EPHA3: variants seen among roughly 807,000 people sequenced by gnomAD.
EPHA3 encodes EPH receptor A3, also known as ephrin type-A receptor 3.
A neutral mutation model predicts 107.1 loss-of-function variants in EPHA3; 42 were observed. The ratio of observed to expected loss-of-function variants is 0.39; its 90% CI spans 0.31 to 0.51. The LOEUF (loss-of-function observed/expected upper bound fraction) is 0.51. Among genes scored for constraint, EPHA3 ranks in the 20% least tolerant of loss-of-function variants. EPHA3 has a pLI of 0.78. For missense variants in EPHA3, 1,183 were observed against 1,211.2 expected (o/e 0.98, Z 0.35); for synonymous variants, 461 against 424.8 (o/e 1.09, Z -1.05).
intron 3 of EPHA3, among the ~76,000 whole-genome samples, chr3:89,311,961 T>C (rs565123780): frequency 3.7e-4 from 56 of 152,054 alleles, no homozygotes; most frequent in Non-Finnish European, 6.2e-4. Context: ...TATGATTTTG[T>C]TGAAAAGGTG....
At chr3:89,265,188 T>C (rs549026470) in intron 3 of EPHA3, among the ~76,000 whole-genome samples, 1 of 152,296 alleles carries the variant, frequency 6.6e-6, no homozygotes, top group East Asian at 1.9e-4. Context: ...CTCTGACTTA[T>C]AATTGTAATA....
At chr3:89,474,647 T>C (rs910811059) in intron 16 of EPHA3, among the ~76,000 whole-genome samples, 1 of 152,214 alleles carries the variant, frequency 6.6e-6, no homozygotes, top group African/African-American at 2.4e-5. Flanking sequence ...TTGAAATGTA[T>C]GAGGCAGAAC....
rs944970425 is a variant in EPHA3, at chr3:89,364,321, A to G, written c.1306+22231A>G. 1.3e-5 allele frequency among the ~76,000 whole-genome samples: 2 copies of G among 151,028 alleles called. 1 individual carries two copies. The highest frequency in any genetic ancestry group is 3.0e-5 in the Non-Finnish European group (2 of 67,406). On this transcript the variant is annotated intron_variant, in intron 5 of 16. Transcript: ENST00000336596. Reference sequence around the variant, plus strand: ...TTAAAATATCATTCAGAGGCCTTTCAGAACACCAGTATTTACCTACTCCAA... The same window carrying G: ...TTAAAATATCATTCAGAGGCCTTTCGGAACACCAGTATTTACCTACTCCAA...
chr3:89,369,795 C>T (rs1708256808), intron 5 of EPHA3, among the ~76,000 whole-genome samples: 1 of 149,046 alleles, frequency 6.7e-6, no homozygotes, highest in African/African-American at 2.5e-5. Flanking sequence ...ACAATGAACT[C>T]AAACAAATTT....
chr3:89,136,852 AT>A (rs1343588692), intron 2 of EPHA3, among the ~76,000 whole-genome samples: 2 of 151,818 alleles, frequency 1.3e-5, no homozygotes, highest in East Asian at 1.9e-4. Flanking sequence ...ATCATTCTTT[AT>A]TTTTTTAAAG....
chr3:89,444,736 AAAT>A (rs1289388297), intron 13 of EPHA3, among the ~76,000 whole-genome samples: 1 of 152,120 alleles, frequency 6.6e-6, no homozygotes, highest in African/African-American at 2.4e-5. Flanking sequence ...AAAATTTTCT[AAAT>A]AATAATATAT....
At chr3:89,148,319 G>A (rs1349494087) in intron 2 of EPHA3, among the ~76,000 whole-genome samples, 1 of 152,062 alleles carries the variant, frequency 6.6e-6, no homozygotes, top group East Asian at 1.9e-4. Flanking sequence ...AAAGATAATG[G>A]AGAGTAGAGT....
At chr3:89,124,910 T>G (rs1444318897) in intron 1 of EPHA3, among the ~76,000 whole-genome samples, 1 of 151,994 alleles carries the variant, frequency 6.6e-6, no homozygotes, top group Non-Finnish European at 1.5e-5. Flanking sequence ...TGGTCTAACC[T>G]ATTTTGGTTT....
chr3:89,164,344 T>A (rs576673275), intron 2 of EPHA3, among the ~76,000 whole-genome samples: 43 of 151,802 alleles, frequency 2.8e-4, no homozygotes, highest in African/African-American at 1.0e-3. Flanking sequence ...AAAGCCATCC[T>A]GGGCCGCATG....
chr3:89,384,047 T>C (rs1431752714), intron 5 of EPHA3, among the ~76,000 whole-genome samples: 1 of 152,200 alleles, frequency 6.6e-6, no homozygotes, highest in African/African-American at 2.4e-5. Context: ...ATACTTTCAA[T>C]AGTTGTCCCT....
At chr3:89,250,799 A>C (rs1419583550) in intron 3 of EPHA3, among the ~76,000 whole-genome samples, 2 of 152,226 alleles carry the variant, frequency 1.3e-5, no homozygotes, top group African/African-American at 2.4e-5. Context: ...AAAGTATTTT[A>C]TGTCTAATAG....
chr3:89,223,692 G>T (rs1396224029), intron 3 of EPHA3, among the ~76,000 whole-genome samples: 4 of 152,116 alleles, frequency 2.6e-5, no homozygotes, highest in Non-Finnish European at 4.4e-5. Flanking sequence ...GGCGTGACTT[G>T]ACTTTATACA....
At chr3:89,471,869 G>C (rs1256579454) in intron 15 of EPHA3, among the ~76,000 whole-genome samples, 1 of 151,936 alleles carries the variant, frequency 6.6e-6, no homozygotes, top group Non-Finnish European at 1.5e-5. Flanking sequence ...TTGGTGTCAA[G>C]TATGCAAGAA....
intron 5 of EPHA3, among the ~76,000 whole-genome samples, chr3:89,371,544 T>C (rs565048537): frequency 1.9e-3 from 290 of 151,696 alleles, no homozygotes; most frequent in African/African-American, 6.8e-3. Context: ...TATAAGGAGA[T>C]TTGTAGAGTT....
chr3:89,383,200 A>T (rs1360430436), intron 5 of EPHA3, among the ~76,000 whole-genome samples: 1 of 152,206 alleles, frequency 6.6e-6, no homozygotes, highest in Admixed American at 6.5e-5. Flanking sequence ...CTAATAAAAG[A>T]TTAAGACCAG....
At chr3:89,208,486 A>AAGAAAGAAAG (rs765304080) in intron 2 of EPHA3, among the ~76,000 whole-genome samples, 2 of 125,842 alleles carry the variant, frequency 1.6e-5, no homozygotes, top group African/African-American at 3.0e-5. Flanking sequence ...AAGAAAGAGA[A>AAGAAAGAAAG]AAAGAAAGGA....
At position 89,429,083 on chromosome 3, in the gene EPHA3, TTTA is replaced by T. The variant is rs749229436; in HGVS notation, c.2075-17_2075-15del. ...AATACTTGAACTGTACTGATTATTA[TTTA>T]TTATTTACTGTATATCTAGGTAAGC... On this transcript the variant is annotated intron_variant, in intron 11 of 16. Transcript: ENST00000336596. 3.7e-5 allele frequency: 56 copies of T among 1,516,862 alleles called. No homozygotes were observed. Among genetic ancestry groups the T allele is most frequent in the Admixed American group, 3.0e-4 (18 of 59,694 alleles). 94.0% of individuals were successfully genotyped at this position (1,516,862 alleles called of 1,614,324 possible). A position where few individuals can be genotyped will look rare whatever the true frequency, so the allele number is the denominator to read the frequency against.
Position 89,479,683 on chromosome 3 carries a change from A to G in EPHA3, c.*181A>G. 1 of 533,124 alleles carries G rather than the reference A, an allele frequency of 1.9e-6. No individual in the cohort carries two copies. The allele number at this position is 533,124 out of a possible 1,614,324, so 33.0% of individuals were successfully genotyped here. ...AACTCTTTATTTTCCCCTATCATTT[A>G]TTGGATGGGTGGGTGGGGTATTTTT... On this transcript the variant is annotated 3_prime_UTR_variant, in exon 17 of 17. Transcript: ENST00000336596.
intron 3 of EPHA3, among the ~76,000 whole-genome samples, chr3:89,272,364 T>C (rs1210682354): frequency 4.0e-5 from 6 of 151,890 alleles, no homozygotes. Context: ...TTATAAGTCA[T>C]ATAATTTGGC....
Sources: gnomAD v4.1 joint callset for allele counts (sites outside exome capture counted in the v4.1 genomes callset) on GRCh38, gnomAD v4.1.1 for gene constraint, MANE v1.5 for transcripts, NCBI Gene and HGNC (gene_info 2026-07-23, HGNC 2026-07-21) for gene names.